ARHGAP45: variants seen among roughly 807,000 people sequenced by gnomAD.
ARHGAP45 encodes Rho GTPase activating protein 45, also known as rho GTPase-activating protein 45.
Under a neutral mutation model 116.1 loss-of-function variants are expected in ARHGAP45, and 56 were observed. The observed-to-expected ratio is 0.48, with a 90% confidence interval of 0.39 to 0.60. The LOEUF (loss-of-function observed/expected upper bound fraction) is 0.60, where lower values mean the gene tolerates loss of function less well. Among genes scored for constraint, ARHGAP45 ranks in the 20% least tolerant of loss-of-function variants. ARHGAP45 has a pLI of 0.00. For missense variants in ARHGAP45, 1,622 were observed against 1,601.0 expected, an observed-to-expected ratio of 1.01 and a Z score of -0.22; for synonymous variants, 866 against 701.7, an observed-to-expected ratio of 1.23 and a Z score of -3.70.
Position 1,073,942 on chromosome 19 carries a change from C to T in ARHGAP45, c.724-6C>T. ...GGCTGGTCTCACCTGCGTCTCCGTCCTACAGTCCATGGAAAGCCTGTATGG... is the reference window on the plus strand; with the variant it reads ...GGCTGGTCTCACCTGCGTCTCCGTCTTACAGTCCATGGAAAGCCTGTATGG... On this transcript the variant is annotated splice_region_variant and splice_polypyrimidine_tract_variant and intron_variant, in intron 5 of 22. Coordinates refer to ENST00000313093, the MANE Select transcript of ARHGAP45 (RefSeq NM_012292.5). 1 of 1,566,492 alleles carries T rather than the reference C, an allele frequency of 6.4e-7. No individual in the cohort carries two copies. Among genetic ancestry groups the T allele is most frequent in the Non-Finnish European group, 8.6e-7 (1 of 1,156,514 alleles).
At chr19:1,085,586 C>A (rs751334328) in intron 22 of ARHGAP45, 74 bp from the exon 23 acceptor site, 9 of 1,138,894 alleles carry the variant, frequency 7.9e-6, no homozygotes, top group Non-Finnish European at 1.1e-5. Context: ...CCCATCTCTC[C>A]TGTCTGTCCC....
In ARHGAP45 at chr19:1,079,977, C is replaced by T. The variant is rs2043381668; in HGVS notation, c.1562C>T (p.Pro521Leu). The T allele has an allele frequency of 6.2e-7, 1 of 1,612,646 alleles. No homozygotes were observed. Among genetic ancestry groups the T allele is most frequent in the South Asian group, 1.1e-5 (1 of 91,088 alleles). ...QMMHMQTAPL[P>L]VHFQMLCESS... ...ATGCATATGCAGACGGCGCCGCTGC[C>T]CGTGCACTTCCAGATGCTGTGTGAG... Residue 521 changes from proline (P) to leucine (L), a missense_variant, in exon 13 of 23, where the codon CCC (proline) becomes CTC (leucine). Physicochemically the swap from Pro to Leu is moderately conservative, Grantham distance 98. This residue lies in a region of ARHGAP45 where 1,334 missense variants were observed against 1,263.8 expected (regional missense o/e 1.06). Transcript: ENST00000313093.
chr19:1,082,940 G>C lies in ARHGAP45; in HGVS notation c.2618G>C (p.Gly873Ala). 2 of 1,582,698 alleles carry C rather than the reference G, an allele frequency of 1.3e-6. No homozygotes were observed. Among genetic ancestry groups the C allele is most frequent in the Non-Finnish European group, 1.7e-6 (2 of 1,167,532 alleles). The change falls in exon 20 of 23, where the codon GGC becomes GCC. Residue 873 changes from glycine (G) to alanine (A), a missense_variant. Coordinates refer to ENST00000313093, the MANE Select transcript of ARHGAP45 (RefSeq NM_012292.5). ...AEAEAKAASR[G>A]RQDGSESEAV... Reference sequence around the variant, plus strand: ...GCCGAGGCCAAGGCGGCGTCCCGGGGCCGGCAGGACGGCTCGGAGAGCGAG... The same window carrying C: ...GCCGAGGCCAAGGCGGCGTCCCGGGCCCGGCAGGACGGCTCGGAGAGCGAG...
Position 1,071,226 on chromosome 19 carries a change from A to AC in ARHGAP45, c.422-1918dup, listed in dbSNP as rs1341661707. The AC allele has an allele frequency of 6.0e-5, 87 of 1,449,604 alleles. No homozygotes were observed. The highest frequency in any genetic ancestry group is 7.3e-5 in the Non-Finnish European group (81 of 1,104,092). The allele number at this position is 1,449,604 out of a possible 1,614,324, so 89.8% of individuals were successfully genotyped here. ...GCCGGAGCCGGTTTGGCCACCGGAG[A>AC]CCCCCATCGGTCAGCTGCCAGGCCC... On this transcript the variant is annotated intron_variant, in intron 2 of 22. Transcript: ENST00000313093. The surrounding 1 kb of genome is among the most constrained non-coding windows in gnomAD (Gnocchi z 4.6).
Position 1,073,737 on chromosome 19 carries a change from C to G in ARHGAP45, c.714C>G (p.Asp238Glu), listed in dbSNP as rs756397727. Residue 238 changes from aspartate (D) to glutamate (E), a missense_variant, in exon 5 of 23, where the codon GAC becomes GAG. By Grantham distance (45) the Asp-to-Glu change is conservative (BLOSUM62 2). Coordinates refer to ENST00000313093, the MANE Select transcript of ARHGAP45 (RefSeq NM_012292.5). The stretch of plus-strand genomic sequence containing the variant: ...CCCTCCTAGCAGTGCCTCCTGGGGA[C>G]TCGAGCCAGGTGAGTGGGGTGGGCC... ...SSTLLAVPPGDSSQSMESLYG... is the reference protein window; with the variant it reads ...SSTLLAVPPGESSQSMESLYG... The G allele has an allele frequency of 2.5e-6, 4 of 1,592,038 alleles. No homozygotes were observed. Among genetic ancestry groups the G allele is most frequent in the Admixed American group, 1.8e-5 (1 of 56,374 alleles).
chr19:1,067,487 C>G lies in ARHGAP45; in HGVS notation c.82C>G (p.Pro28Ala). The change falls in exon 1 of 23, where the codon CCC (proline) becomes GCC (alanine). Residue 28 changes from proline (P) to alanine (A), a missense_variant. Physicochemically the swap from Pro to Ala is conservative, Grantham distance 27. Coordinates refer to ENST00000313093, the MANE Select transcript of ARHGAP45 (RefSeq NM_012292.5). ...KNRAGSPSPQ[P>A]SGELPRKDGA... Reference sequence around the variant, plus strand: ...CCGCGCGGGAAGCCCCAGCCCGCAGCCCTCGGGGGTGAGTGGAGCCCGGGT... The same window carrying G: ...CCGCGCGGGAAGCCCCAGCCCGCAGGCCTCGGGGGTGAGTGGAGCCCGGGT... 1 of 1,600,636 alleles carries G rather than the reference C, an allele frequency of 6.2e-7. No individual in the cohort carries two copies. Among genetic ancestry groups the G allele is most frequent in the Non-Finnish European group, 8.5e-7 (1 of 1,174,514 alleles).
At position 1,071,719 on chromosome 19, in the gene ARHGAP45, G is replaced by A. The variant is rs1372636552; in HGVS notation, c.422-1430G>A. 6.6e-6 allele frequency: 1 copy of A among 152,354 alleles called. No homozygotes were observed. The highest frequency in any genetic ancestry group is 2.4e-5 in the African/African-American group (1 of 41,430). The allele number at this position is 152,354 out of a possible 1,614,324, so 9.4% of individuals were successfully genotyped here. The stretch of plus-strand genomic sequence containing the variant: ...CAGCGAAGACATGTTCCGGTCCGGG[G>A]TCTCAGGCCCGGCGGCGGCCAGCGG... On this transcript the variant is annotated intron_variant, in intron 2 of 22. Transcript: ENST00000313093. This position sits in a 1 kb window ranked among gnomAD's most constrained non-coding sequence, Gnocchi z 4.6.
chr19:1,079,147 T>C (rs963384087), intron 11 of ARHGAP45, among the ~76,000 whole-genome samples: 1 of 145,322 alleles, frequency 6.9e-6, no homozygotes, highest in African/African-American at 2.6e-5. Flanking sequence ...GCCACTGCAC[T>C]CCAGCCTGGG....
chr19:1,084,121 C>A, intron 21 of ARHGAP45, 117 bp from the exon 22 acceptor site: 1 of 936,174 alleles, frequency 1.1e-6, no homozygotes, highest in Non-Finnish European at 1.7e-6. Flanking sequence ...TGAGGACAGA[C>A]CGCCTGGGCA....
chr19:1,067,070 C>A, upstream of ARHGAP45: 1 of 706,474 alleles, frequency 1.4e-6, no homozygotes, highest in Non-Finnish European at 1.8e-6. Flanking sequence ...GCTCCCGGTC[C>A]CACCCCGCGA....
intron 19 of ARHGAP45, 50 bp from the exon 20 acceptor site, chr19:1,082,790 G>A (rs560099085): frequency 1.1e-5 from 15 of 1,415,602 alleles, no homozygotes; most frequent in South Asian, 3.0e-5. Context: ...AGGCACACGT[G>A]GGGGCTGGGC....
rs1360294292 is a variant in ARHGAP45 at position 1,082,038 on chromosome 19, G to A, written c.2517+77G>A. On this transcript the variant is annotated intron_variant, in intron 19 of 22. Transcript: ENST00000313093. ...CAGGAGGAGGCGGGGTGGGGGTCCGGGAGCTGGAGCAGGACTGAGCTGGAG... is the reference window on the plus strand; with the variant it reads ...CAGGAGGAGGCGGGGTGGGGGTCCGAGAGCTGGAGCAGGACTGAGCTGGAG... 3.3e-6 allele frequency: 5 copies of A among 1,513,418 alleles called. No homozygotes were observed. The African/African-American group carries it at 5.5e-5, about 17-fold the overall frequency. 93.7% of individuals were successfully genotyped at this position (1,513,418 alleles called of 1,614,324 possible).
chr19:1,074,604 C>A lies in ARHGAP45; in HGVS notation c.994-10C>A. 1 of 1,553,464 alleles carries A rather than the reference C, an allele frequency of 6.4e-7. No homozygotes were observed. The highest frequency in any genetic ancestry group is 2.4e-5 in the East Asian group (1 of 42,120). ...CCTCCCCACCCAGTGAGCCGGTGCC[C>A]CACCCACAGCCCCACATGCCGCTCC... is the stretch of plus-strand genomic sequence containing the variant. On this transcript the variant is annotated splice_polypyrimidine_tract_variant and intron_variant, in intron 8 of 22. Coordinates refer to ENST00000313093, the MANE Select transcript of ARHGAP45 (RefSeq NM_012292.5).
At chr19:1,082,008 C>G in intron 19 of ARHGAP45, 47 bp downstream of exon 19, 3 of 1,589,470 alleles carry the variant, frequency 1.9e-6, no homozygotes, top group Non-Finnish European at 2.6e-6. Context: ...AGGGGCGTAG[C>G]CAGGCAGGAG....
At chr19:1,076,894 AT>A (rs879316061) in intron 10 of ARHGAP45, 1 of 396,086 alleles carries the variant, frequency 2.5e-6, no homozygotes, top group Non-Finnish European at 3.4e-6. Flanking sequence ...GTCTGGCTAA[AT>A]TTTTTAATTT....
chr19:1,076,208 G>A (rs536695509), intron 10 of ARHGAP45, among the ~76,000 whole-genome samples: 21 of 152,278 alleles, frequency 1.4e-4, no homozygotes, highest in African/African-American at 4.1e-4. Flanking sequence ...AGGGGCGTGC[G>A]TGTATGAGCT....
rs1308564178 is a variant in ARHGAP45 at position 1,074,597 on chromosome 19, C to A, written c.994-17C>A. Reference sequence around the variant, plus strand: ...CTCCATCCCTCCCCACCCAGTGAGCCGGTGCCCCACCCACAGCCCCACATG... The same window carrying A: ...CTCCATCCCTCCCCACCCAGTGAGCAGGTGCCCCACCCACAGCCCCACATG... On this transcript the variant is annotated splice_polypyrimidine_tract_variant and intron_variant, in intron 8 of 22. Transcript: ENST00000313093. 7 of 1,538,874 alleles carry A rather than the reference C, an allele frequency of 4.5e-6. No homozygotes were observed. The South Asian group carries it at 7.4e-5, about 16-fold the overall frequency.
rs1296635555 is a variant in ARHGAP45, at chr19:1,071,473, T to C, written c.422-1676T>C. 1 of 825,346 alleles carries C rather than the reference T, an allele frequency of 1.2e-6. No individual in the cohort carries two copies. The allele number at this position is 825,346 out of a possible 1,614,324, so 51.1% of individuals were successfully genotyped here. ...GGCTGCCGCGCGCCTGGCCTGGCCGTGCGCACCTGGGCATCCCTGCGCTGC... is the reference window on the plus strand; with the variant it reads ...GGCTGCCGCGCGCCTGGCCTGGCCGCGCGCACCTGGGCATCCCTGCGCTGC... On this transcript the variant is annotated intron_variant, in intron 2 of 22. Coordinates refer to ENST00000313093, the MANE Select transcript of ARHGAP45 (RefSeq NM_012292.5). The surrounding 1 kb of genome is among the most constrained non-coding windows in gnomAD (Gnocchi z 4.6).
chr19:1,067,794 G>A, intron 1 of ARHGAP45: 1 of 624,872 alleles, frequency 1.6e-6, no homozygotes, highest in Non-Finnish European at 2.9e-6. Context: ...GCCGCTGCAG[G>A]TTGGGGGCTT....
Sources: gnomAD v4.1 joint callset for allele counts (sites outside exome capture counted in the v4.1 genomes callset) on GRCh38, gnomAD v4.1.1 for gene constraint, gnomAD v4.1.1 regional missense constraint, Gnocchi (gnomAD v3.1) non-coding constraint, MANE v1.5 for transcripts, NCBI Gene and HGNC (gene_info 2026-07-23, HGNC 2026-07-21) for gene names.